Variants in WWOX observed in about 807,000 individuals in gnomAD.
WWOX encodes WW domain-containing oxidoreductase.
In WWOX, 69 loss-of-function variants were observed where a neutral mutation model predicts 46.2. That is an observed-to-expected ratio of 1.49 (90% CI 1.23 to 1.82). The LOEUF (loss-of-function observed/expected upper bound fraction) is 1.82, where lower values mean the gene tolerates loss of function less well. WWOX is among the 40% of genes most tolerant of loss of function. The pLI, the probability that WWOX is intolerant of heterozygous loss-of-function variation, is 0.00. For synonymous variants in WWOX, 359 were observed against 202.6 expected (o/e 1.77, Z -6.56); for missense variants, 919 against 542.6 (o/e 1.69, Z -6.89).
chr16:78,563,012 ATCTT>A (rs1305843778), intron 8 of WWOX, among the ~76,000 whole-genome samples: 2 of 151,164 alleles, frequency 1.3e-5, no homozygotes, highest in Non-Finnish European at 1.5e-5. Flanking sequence ...CCCTCCCCCT[ATCTT>A]TCTTTCTTTG....
At chr16:79,209,946 C>G (rs12449081) in intron 8 of WWOX, among the ~76,000 whole-genome samples, 9 of 152,202 alleles carry the variant, frequency 5.9e-5, no homozygotes, top group African/African-American at 2.2e-4. Flanking sequence ...AAAGAAACAG[C>G]TGAATCCAGG....
chr16:78,592,788 G>A lies in WWOX; in HGVS notation c.1056+160036G>A, dbSNP rs147200009. ...CCTGGGCTGGGGTGGCCACTCCACC[G>A]TCATCGATGATCCGGGCTCCTTTTC... On this transcript the variant is annotated intron_variant, in intron 8 of 8. Transcript: ENST00000566780. Among the ~76,000 whole-genome samples the A allele has an allele frequency of 1.4e-3, 218 of 152,300 alleles. 1 individual carries two copies. The highest frequency in any genetic ancestry group is 4.3e-3 in the African/African-American group (179 of 41,572).
chr16:78,400,099 CCT>C (rs1485075015), intron 6 of WWOX, among the ~76,000 whole-genome samples: 1 of 152,098 alleles, frequency 6.6e-6, no homozygotes, highest in Non-Finnish European at 1.5e-5. Context: ...ATAAACGGGA[CCT>C]CTCAATTAGC....
At chr16:78,813,785 A>G (rs1567578155) in intron 8 of WWOX, among the ~76,000 whole-genome samples, 1 of 152,336 alleles carries the variant, frequency 6.6e-6, no homozygotes, top group East Asian at 1.9e-4. Context: ...AGTGGGGCAC[A>G]TACAGATTCA....
intron 8 of WWOX, among the ~76,000 whole-genome samples, chr16:78,723,020 T>C (rs74723994): frequency 0.064 from 9,764 of 152,036 alleles, 455 homozygotes; most frequent in Non-Finnish European, 0.072. Context: ...CCAGCCTGGG[T>C]GACAGAGCAA....
chr16:79,016,297 T>G (rs572646011), intron 8 of WWOX: 1 of 152,284 alleles, frequency 6.6e-6, no homozygotes. Flanking sequence ...TTTCTCCCAC[T>G]GATGAGATGC....
At chr16:78,448,826 C>G (rs545156581) in intron 8 of WWOX, among the ~76,000 whole-genome samples, 1 of 152,098 alleles carries the variant, frequency 6.6e-6, no homozygotes, top group Non-Finnish European at 1.5e-5. Flanking sequence ...TGCTTCTGAT[C>G]ATTGTCATGG....
intron 5 of WWOX, among the ~76,000 whole-genome samples, chr16:78,320,235 C>T (rs1263371445): frequency 1.3e-5 from 2 of 152,176 alleles, no homozygotes; most frequent in African/African-American, 2.4e-5. Flanking sequence ...CTGAAATTTT[C>T]TCTGGGTTTT....
chr16:78,671,044 C>G (rs1408163179), intron 8 of WWOX, among the ~76,000 whole-genome samples: 3 of 152,290 alleles, frequency 2.0e-5, no homozygotes, highest in Non-Finnish European at 2.9e-5. Context: ...AGCCTGCAAG[C>G]ATTTCTCCTG....
chr16:79,086,941 TACAG>T (rs1239688583), intron 8 of WWOX, among the ~76,000 whole-genome samples: 1 of 152,158 alleles, frequency 6.6e-6, no homozygotes, highest in Non-Finnish European at 1.5e-5. Flanking sequence ...ACATCTCTAG[TACAG>T]ACTCTGCAGA....
chr16:78,183,335 CA>C (rs2035592553), intron 5 of WWOX, among the ~76,000 whole-genome samples: 1 of 152,152 alleles, frequency 6.6e-6, no homozygotes, highest in African/African-American at 2.4e-5. Flanking sequence ...CGGGCAAGAG[CA>C]GATACAATGC....
chr16:78,727,244 C>A (rs780145009), intron 8 of WWOX, among the ~76,000 whole-genome samples: 1 of 152,114 alleles, frequency 6.6e-6, no homozygotes, highest in Admixed American at 6.6e-5. Context: ...ACTAGAAATA[C>A]AAAAATTAGC....
chr16:78,350,984 G>C (rs2081172978), intron 5 of WWOX, among the ~76,000 whole-genome samples: 1 of 151,656 alleles, frequency 6.6e-6, no homozygotes, highest in East Asian at 1.9e-4. Flanking sequence ...TTTTAGTCTT[G>C]TCATTTTATT....
intron 4 of WWOX, among the ~76,000 whole-genome samples, chr16:78,115,686 A>T (rs1230032200): frequency 6.6e-6 from 1 of 152,160 alleles, no homozygotes; most frequent in Non-Finnish European, 1.5e-5. Flanking sequence ...AGGGACTATC[A>T]TGGGTAGATG....
At chr16:78,800,727 G>C (rs11863800) in intron 8 of WWOX, among the ~76,000 whole-genome samples, 70 of 152,182 alleles carry the variant, frequency 4.6e-4, no homozygotes, top group African/African-American at 1.6e-3. Flanking sequence ...TGAGGGAATT[G>C]TCTAAAATCC....
intron 8 of WWOX, among the ~76,000 whole-genome samples, chr16:79,121,205 G>A (rs1250372023): frequency 2.0e-5 from 3 of 152,146 alleles, no homozygotes; most frequent in Non-Finnish European, 4.4e-5. Context: ...TACAGGTTCC[G>A]GGGAGTTGAC....
chr16:78,233,924 A>G (rs780870657), intron 5 of WWOX, among the ~76,000 whole-genome samples: 15 of 152,150 alleles, frequency 9.9e-5, no homozygotes, highest in South Asian at 6.2e-4. Context: ...GATTTCTTCT[A>G]CTGGGAAAAT....
intron 8 of WWOX, among the ~76,000 whole-genome samples, chr16:78,661,444 A>T (rs1161634136): frequency 1.3e-5 from 2 of 152,106 alleles, no homozygotes; most frequent in South Asian, 4.1e-4. Context: ...GATTTTCTGT[A>T]TGACTTTATC....
chr16:78,855,726 A>G (rs928870113), intron 8 of WWOX, among the ~76,000 whole-genome samples: 1 of 152,178 alleles, frequency 6.6e-6, no homozygotes, highest in Non-Finnish European at 1.5e-5. Flanking sequence ...GGGTGGAGAG[A>G]GACGCACCAC....
Sources: gnomAD v4.1 joint callset for allele counts (sites outside exome capture counted in the v4.1 genomes callset) on GRCh38, gnomAD v4.1.1 for gene constraint, MANE v1.5 for transcripts, NCBI Gene and HGNC (gene_info 2026-07-23, HGNC 2026-07-21) for gene names.